The following MRPS9 variants were observed in gnomAD, a reference collection of about 807,000 sequenced individuals.
MRPS9 encodes mitochondrial ribosomal protein S9.
MRPS9 carries 45 observed loss-of-function variants against 59.9 expected under a neutral mutation model. The observed-to-expected ratio is 0.75, with a 90% CI of 0.59 to 0.96. The LOEUF is 0.96. Among genes scored for constraint, MRPS9 ranks in the 40% least tolerant of loss-of-function variants. MRPS9 has a pLI of 0.00. For missense variants in MRPS9, 473 were observed against 481.1 expected, an observed-to-expected ratio of 0.98 and a Z score of 0.16; for synonymous variants, 171 against 166.8, an observed-to-expected ratio of 1.03 and a Z score of -0.19.
intron 2 of MRPS9, among the ~76,000 whole-genome samples, chr2:105,063,572 G>A (rs1051213817): frequency 3.3e-5 from 5 of 152,236 alleles, no homozygotes; most frequent in African/African-American, 9.6e-5. Flanking sequence ...TTTTTTGGCT[G>A]CACTATTTTA....
At chr2:105,074,939 C>A (rs1680177842) in intron 4 of MRPS9, among the ~76,000 whole-genome samples, 2 of 152,180 alleles carry the variant, frequency 1.3e-5, no homozygotes, top group South Asian at 4.1e-4. Flanking sequence ...AGCTTTATTT[C>A]TATTATTACA....
Position 105,099,841 on chromosome 2 carries a change from C to A in MRPS9, c.*80C>A. 4 of 1,273,712 alleles carry A rather than the reference C, an allele frequency of 3.1e-6. No homozygotes were observed. Among genetic ancestry groups the A allele is most frequent in the Non-Finnish European group, 3.4e-6 (3 of 887,896 alleles). The allele number at this position is 1,273,712 out of a possible 1,614,324, so 78.9% of individuals were successfully genotyped here. ...CAGACACACAGTAAATAATGGCTGA[C>A]CAGCATGAGGGCAGTACTGTCAGAA... On this transcript the variant is annotated 3_prime_UTR_variant, in exon 11 of 11. Coordinates refer to ENST00000258455, the MANE Select transcript of MRPS9 (RefSeq NM_182640.3).
At chr2:105,050,824 T>A (rs894663700) in intron 2 of MRPS9, among the ~76,000 whole-genome samples, 1 of 152,244 alleles carries the variant, frequency 6.6e-6, no homozygotes, top group African/African-American at 2.4e-5. Context: ...CCCCGGACTT[T>A]CATATAAGTA....
At chr2:105,089,102 A>T (rs376992061) in intron 6 of MRPS9, 33 bp downstream of exon 6, 1 of 1,528,500 alleles carries the variant, frequency 6.5e-7, no homozygotes. Flanking sequence ...AATATAAGTA[A>T]AATTTGAACT....
rs1680750846 is a variant in MRPS9 at position 105,099,755 on chromosome 2, A to G, written c.1185A>G (p.Lys395=). 1 of 1,614,142 alleles carries G rather than the reference A, an allele frequency of 6.2e-7. No individual in the cohort carries two copies. The highest frequency in any genetic ancestry group is 8.5e-7 in the Non-Finnish European group (1 of 1,180,020). The change falls in exon 11 of 11, where the codon AAA becomes AAG. Residue 395 remains lysine (K), a synonymous_variant. Transcript: ENST00000258455. ...EGARRKFTWK[K]R is the part of the protein sequence containing the mutation. ...CCCGCAGAAAGTTTACGTGGAAGAA[A>G]CGCTAAGGGTTTGCTCCCAGGAAAG...
At chr2:105,066,430 T>A (rs1680002188) in intron 2 of MRPS9, among the ~76,000 whole-genome samples, 1 of 152,216 alleles carries the variant, frequency 6.6e-6, no homozygotes, top group African/African-American at 2.4e-5. Context: ...ATATTGCCTG[T>A]AAGCCCCAGA....
chr2:105,078,541 A>T (rs999327089), intron 4 of MRPS9, among the ~76,000 whole-genome samples: 5 of 152,198 alleles, frequency 3.3e-5, no homozygotes, highest in East Asian at 1.9e-4. Flanking sequence ...TGATTCATGA[A>T]GTCTATGACA....
chr2:105,052,788 C>T (rs1190125332), intron 2 of MRPS9, among the ~76,000 whole-genome samples: 3 of 152,062 alleles, frequency 2.0e-5, no homozygotes, highest in Admixed American at 2.0e-4. Context: ...TTTTTAAATG[C>T]TTACTTTTTA....
intron 2 of MRPS9, among the ~76,000 whole-genome samples, chr2:105,050,839 C>G (rs145373112): frequency 1.3e-5 from 2 of 152,312 alleles, no homozygotes; most frequent in African/African-American, 4.8e-5. Context: ...TAAGTAGAGT[C>G]ATACAGTATT....
chr2:105,097,238 C>T lies in MRPS9; in HGVS notation c.1013C>T (p.Ser338Leu), dbSNP rs1369527978. The change falls in exon 10 of 11, where the codon TCA becomes TTA. Residue 338 changes from serine to leucine, a missense_variant. By Grantham distance (145) the Ser-to-Leu change is moderately radical. Coordinates refer to ENST00000258455, the MANE Select transcript of MRPS9 (RefSeq NM_182640.3). ...TGCACAGTCTCAGGGGGCGGGAGGT[C>T]AGCGCAGGCTGGAGCAATACGACTG... Reference protein sequence around the residue: ...VTCTVSGGGRSAQAGAIRLAM... With the variant: ...VTCTVSGGGRLAQAGAIRLAM... 6.2e-7 allele frequency: 1 copy of T among 1,613,058 alleles called. No homozygotes were observed. The highest frequency in any genetic ancestry group is 1.1e-5 in the South Asian group (1 of 90,912).
intron 2 of MRPS9, among the ~76,000 whole-genome samples, chr2:105,069,290 C>T (rs1680065010): frequency 6.7e-6 from 1 of 150,158 alleles, no homozygotes; most frequent in African/African-American, 2.5e-5. Flanking sequence ...TCTCAGCTCA[C>T]TGCAACCTCC....
Position 105,038,223 on chromosome 2 carries a change from C to T in MRPS9, c.131C>T (p.Ser44Phe), listed in dbSNP as rs762774357. ...AAPELQTNVR[S>F]QILRLRHTAF... ...CCTGAGTTGCAAACAAATGTCAGAT[C>T]CCAGGTAAGGCCTGGGAAGACTGGA... Residue 44 changes from serine (S) to phenylalanine (F), a missense_variant, in exon 1 of 11, where the codon TCC becomes TTC. By Grantham distance (155) the Ser-to-Phe change is radical. Transcript: ENST00000258455. 2 of 1,610,948 alleles carry T rather than the reference C, an allele frequency of 1.2e-6. No homozygotes were observed. The highest frequency in any genetic ancestry group is 1.7e-5 in the Admixed American group (1 of 59,602).
intron 2 of MRPS9, among the ~76,000 whole-genome samples, chr2:105,068,001 T>G (rs1022954570): frequency 6.6e-6 from 1 of 152,166 alleles, no homozygotes; most frequent in Admixed American, 6.5e-5. Flanking sequence ...TAAAAATTTT[T>G]TTTGTAGAGA....
chr2:105,062,506 C>T lies in MRPS9; in HGVS notation c.316-8807C>T, dbSNP rs115721021. 7.9e-3 allele frequency among the ~76,000 whole-genome samples: 1,209 copies of T among 152,284 alleles called. 18 individuals carry two copies. Among genetic ancestry groups the T allele is most frequent in the African/African-American group, 0.028 (1,157 of 41,556 alleles). On this transcript the variant is annotated intron_variant, in intron 2 of 10. Coordinates refer to ENST00000258455, the MANE Select transcript of MRPS9 (RefSeq NM_182640.3). ...GAATGGCCGTTATTACCAGCTTTGT[C>T]GTAGAAATCCTCTATTTGGAGACTA...
At position 105,049,311 on chromosome 2, in the gene MRPS9, G is replaced by C. The variant is rs1325584937; in HGVS notation, c.276G>C (p.Met92Ile). The C allele has an allele frequency of 6.2e-7, 1 of 1,611,788 alleles. No individual in the cohort carries two copies. Among genetic ancestry groups the C allele is most frequent in the Non-Finnish European group, 8.5e-7 (1 of 1,179,426 alleles). Residue 92 changes from methionine (M) to isoleucine (I), a missense_variant, in exon 2 of 11, where the codon ATG becomes ATC. Physicochemically the swap from Met to Ile is conservative, Grantham distance 10. Coordinates refer to ENST00000258455, the MANE Select transcript of MRPS9 (RefSeq NM_182640.3). ...NIGKRHLANM[M>I]GEDPETFTQE... ...GAAAGAGACATTTAGCCAACATGATGGGAGAAGATCCAGAAACTTTCACTC... is the reference window on the plus strand; with the variant it reads ...GAAAGAGACATTTAGCCAACATGATCGGAGAAGATCCAGAAACTTTCACTC...
chr2:105,047,068 G>C (rs541732427), intron 1 of MRPS9, among the ~76,000 whole-genome samples: 4 of 151,912 alleles, frequency 2.6e-5, no homozygotes, highest in Non-Finnish European at 5.9e-5. Context: ...TGCTGGTGGC[G>C]CTGGGCTGTG....
At position 105,089,036 on chromosome 2, in the gene MRPS9, C is replaced by A; in HGVS notation, c.542C>A (p.Ala181Asp). 1 of 1,611,352 alleles carries A rather than the reference C, an allele frequency of 6.2e-7. No individual in the cohort carries two copies. The highest frequency in any genetic ancestry group is 8.5e-7 in the Non-Finnish European group (1 of 1,178,366). ...NLEKHQSHLQ[A>D]KSLLPEKTVT... Reference sequence around the variant, plus strand: ...GAAAAACATCAAAGTCACTTGCAAGCCAAAAGTCTGCTCCCAGAAAAAACT... The same window carrying A: ...GAAAAACATCAAAGTCACTTGCAAGACAAAAGTCTGCTCCCAGAAAAAACT... The change falls in exon 6 of 11, where the codon GCC becomes GAC. Residue 181 changes from alanine to aspartate, a missense_variant. Coordinates refer to ENST00000258455, the MANE Select transcript of MRPS9 (RefSeq NM_182640.3).
intron 5 of MRPS9, among the ~76,000 whole-genome samples, chr2:105,082,253 C>G (rs1051432619): frequency 6.6e-6 from 1 of 152,078 alleles, no homozygotes; most frequent in Non-Finnish European, 1.5e-5. Flanking sequence ...TAATTTTTTC[C>G]CTATGTGGCA....
intron 1 of MRPS9, among the ~76,000 whole-genome samples, chr2:105,041,375 T>G (rs1345922103): frequency 6.6e-6 from 1 of 152,208 alleles, no homozygotes; most frequent in Non-Finnish European, 1.5e-5. Context: ...CTGAACACTT[T>G]CCTAGTGCTT....
Sources: gnomAD v4.1 joint callset for allele counts (sites outside exome capture counted in the v4.1 genomes callset) on GRCh38, gnomAD v4.1.1 for gene constraint, MANE v1.5 for transcripts, NCBI Gene and HGNC (gene_info 2026-07-23, HGNC 2026-07-21) for gene names.